LRRC53: variants seen among roughly 807,000 people sequenced by gnomAD.
LRRC53 encodes the protein leucine-rich repeat-containing protein 53.
LRRC53 carries 25 observed loss-of-function variants against 13.6 expected under a neutral mutation model. The ratio of observed to expected loss-of-function variants is 1.83; its 90% CI spans 1.34 to 2.56. The LOEUF (loss-of-function observed/expected upper bound fraction) is 2.56. LRRC53 is among the 30% of genes most tolerant of loss of function. The pLI is 0.00. For synonymous variants in LRRC53, 204 were observed against 109.8 expected (o/e 1.86, Z -5.37); for missense variants, 527 against 275.8 (o/e 1.91, Z -6.45).
chr1:74,523,512 T>TAA, the LRRC53 span, among the ~76,000 whole-genome samples: 1 of 151,410 alleles, frequency 6.6e-6, no homozygotes, highest in Non-Finnish European at 1.5e-5. Flanking sequence ...GAGACTCACT[T>TAA]AAAAAAAAAG....
chr1:74,473,122 C>T (rs896114484), intron 4 of LRRC53, among the ~76,000 whole-genome samples: 1 of 152,030 alleles, frequency 6.6e-6, no homozygotes, highest in African/African-American at 2.4e-5. Context: ...ATAGTAATAC[C>T]ATTAATTGAG....
At chr1:74,526,642 TA>T in the LRRC53 span, among the ~76,000 whole-genome samples, 9 of 152,346 alleles carry the variant, frequency 5.9e-5, no homozygotes, top group East Asian at 1.9e-4. Context: ...ATAAATTGGA[TA>T]TTTTTTTCTG....
intron 1 of LRRC53, among the ~76,000 whole-genome samples, chr1:74,486,542 G>A (rs576876873): frequency 6.7e-6 from 1 of 149,842 alleles, no homozygotes; most frequent in East Asian, 2.0e-4. Flanking sequence ...CAGAAGGATG[G>A]AGTTTCCATT....
intron 1 of LRRC53, among the ~76,000 whole-genome samples, chr1:74,506,847 T>A (rs914337357): frequency 9.9e-5 from 15 of 152,200 alleles, no homozygotes; most frequent in Non-Finnish European, 2.2e-4. Context: ...ATTCCTAATC[T>A]CATTCTTACA....
At chr1:74,494,110 TA>T (rs1669214300) in intron 1 of LRRC53, among the ~76,000 whole-genome samples, 1 of 152,074 alleles carries the variant, frequency 6.6e-6, no homozygotes, top group South Asian at 2.1e-4. Flanking sequence ...AAGACTAGTT[TA>T]AAATCTTTCT....
the LRRC53 span, among the ~76,000 whole-genome samples, chr1:74,532,154 A>T: frequency 3.9e-5 from 6 of 152,318 alleles, no homozygotes; most frequent in African/African-American, 1.2e-4. Flanking sequence ...GAGGGTTGAG[A>T]GGAATAATAA....
the LRRC53 span, among the ~76,000 whole-genome samples, chr1:74,527,630 C>T: frequency 6.6e-6 from 1 of 152,126 alleles, no homozygotes; most frequent in South Asian, 2.1e-4. Context: ...GTCATGAGGG[C>T]TTTATCAGCC....
chr1:74,478,752 G>A (rs539983816), intron 3 of LRRC53, among the ~76,000 whole-genome samples: 1 of 152,296 alleles, frequency 6.6e-6, no homozygotes, highest in African/African-American at 2.4e-5. Context: ...GCCTATGCGT[G>A]CATCTGTGTG....
In LRRC53 at chr1:74,475,340, C is replaced by G. The variant is rs1009116651; in HGVS notation, c.1375G>C (p.Glu459Gln). ...TGTTGCAGAGTTTGAGGCTGGACTT[C>G]TCCAGGCTCAAGATTCCATAGCTTT... ...VQKLWNLEPG[E>Q]VQPQTLQHHI... The change falls in exon 4 of 5, where the codon GAA becomes CAA. Residue 459 changes from glutamate (E) to glutamine (Q), a missense_variant. Glu to Gln is a conservative substitution (Grantham distance 29). Transcript: ENST00000294635. 2.5e-5 allele frequency: 18 copies of G among 711,192 alleles called. No individual in the cohort carries two copies. In the Admixed American group the frequency reaches 3.7e-4, roughly 15 times the overall value. 44.1% of individuals were successfully genotyped at this position (711,192 alleles called of 1,614,324 possible).
At chr1:74,501,850 G>T (rs939462339) in intron 1 of LRRC53, among the ~76,000 whole-genome samples, 1 of 151,952 alleles carries the variant, frequency 6.6e-6, no homozygotes, top group Non-Finnish European at 1.5e-5. Flanking sequence ...TTGTATGTGG[G>T]CTGGCAGATG....
At position 74,471,815 on chromosome 1, in the gene LRRC53, GCT is replaced by G. The variant is rs1399910815; in HGVS notation, c.1805_1806del (p.Glu602AlafsTer5). 2.3e-6 allele frequency: 1 copy of G among 431,262 alleles called. No homozygotes were observed. The highest frequency in any genetic ancestry group is 4.1e-6 in the Non-Finnish European group (1 of 244,664). 26.7% of individuals were successfully genotyped at this position (431,262 alleles called of 1,614,324 possible). On this transcript the variant is annotated frameshift_variant, in exon 5 of 5. Coordinates refer to ENST00000294635, the MANE Select transcript of LRRC53 (RefSeq NM_001382280.1). LOFTEE classifies it low-confidence loss of function (END_TRUNC). ...TCTATTGCACTGTTAATTTGGATTT[GCT>G]CTTTCTCAGGCTTTGAGTGTTGTCT... is the stretch of plus-strand genomic sequence containing the variant. ...NRRQHSKPEK[E>X]QIQINSAIEK...
chr1:74,491,847 G>C (rs1302501421), intron 1 of LRRC53, among the ~76,000 whole-genome samples: 1 of 152,162 alleles, frequency 6.6e-6, no homozygotes, highest in African/African-American at 2.4e-5. Context: ...TGGGCCTACT[G>C]TGTTTTTAGA....
the LRRC53 span, among the ~76,000 whole-genome samples, chr1:74,531,908 G>A: frequency 6.6e-6 from 1 of 152,184 alleles, no homozygotes; most frequent in African/African-American, 2.4e-5. Flanking sequence ...AACTTGTGAG[G>A]CCTTAAATGG....
In LRRC53 at chr1:74,480,808, C is replaced by T. The variant is rs1324781836; in HGVS notation, c.249G>A (p.Leu83=). 16 of 717,464 alleles carry T rather than the reference C, an allele frequency of 2.2e-5. No individual in the cohort carries two copies. Among genetic ancestry groups the T allele is most frequent in the Non-Finnish European group, 3.4e-5 (13 of 385,128 alleles). The allele number at this position is 717,464 out of a possible 1,614,324, so 44.4% of individuals were successfully genotyped here. A position where few individuals can be genotyped will look rare whatever the true frequency, so the allele number is the denominator to read the frequency against. The part of the protein sequence containing the change: ...QEDALHGLTM[L]RTLLLEHNQI... ...GGTTGTGCTCCAGCAACAAGGTCCG[C>T]AACATCGTAAGCCCATGCAGGGCAT... Residue 83 remains leucine, a synonymous_variant, in exon 3 of 5, where the codon TTG becomes TTA. Transcript: ENST00000294635.
At chr1:74,502,292 G>A (rs1336792874) in intron 1 of LRRC53, among the ~76,000 whole-genome samples, 1 of 152,118 alleles carries the variant, frequency 6.6e-6, no homozygotes, top group Non-Finnish European at 1.5e-5. Context: ...GTACATGGTA[G>A]GTGCCAAACA....
At chr1:74,489,815 G>A (rs1241163521) in intron 1 of LRRC53, among the ~76,000 whole-genome samples, 2 of 152,174 alleles carry the variant, frequency 1.3e-5, no homozygotes, top group East Asian at 3.9e-4. Context: ...CTGGTCAAGA[G>A]ATAGCATTTC....
At chr1:74,521,482 C>G in the LRRC53 span, among the ~76,000 whole-genome samples, 1 of 120,808 alleles carries the variant, frequency 8.3e-6, no homozygotes, top group Non-Finnish European at 2.1e-5. Flanking sequence ...CTCACACACA[C>G]ACACATGTAA....
At chr1:74,536,914 G>A in the LRRC53 span, among the ~76,000 whole-genome samples, 6 of 151,988 alleles carry the variant, frequency 3.9e-5, no homozygotes, top group South Asian at 6.2e-4. Context: ...TTCTAAATCC[G>A]GGCATCTGTG....
intron 1 of LRRC53, among the ~76,000 whole-genome samples, chr1:74,506,400 A>G (rs1291700832): frequency 1.3e-5 from 2 of 152,202 alleles, no homozygotes; most frequent in African/African-American, 4.8e-5. Context: ...CAGGGCCAAG[A>G]TTTGAGCCGA....
Sources: gnomAD v4.1 joint callset for allele counts (sites outside exome capture counted in the v4.1 genomes callset) on GRCh38, gnomAD v4.1.1 for gene constraint, MANE v1.5 for transcripts, NCBI Gene and HGNC (gene_info 2026-07-23, HGNC 2026-07-21) for gene names.